Variants in MCM6 observed in about 807,000 individuals in gnomAD.
The protein encoded by MCM6 is DNA replication licensing factor MCM6.
MCM6 carries 46 observed loss-of-function variants against 94.3 expected under a neutral mutation model. That is an observed-to-expected ratio of 0.49 (90% confidence interval 0.39 to 0.62). MCM6 has a LOEUF of 0.62. Ranked by LOEUF, MCM6 falls within the 20% of genes least tolerant of loss-of-function variation. MCM6 has a pLI of 0.00. For synonymous variants in MCM6, 335 were observed against 351.9 expected (o/e 0.95, Z 0.54); for missense variants, 865 against 1,017.9 (o/e 0.85, Z 2.04).
chr2:135,847,649 C>T (rs564405306), intron 14 of MCM6, among the ~76,000 whole-genome samples: 3 of 152,232 alleles, frequency 2.0e-5, no homozygotes, highest in South Asian at 2.1e-4. Flanking sequence ...CTGCAACCTC[C>T]GCCTCCCGGG....
At chr2:135,856,013 CAA>C in intron 11 of MCM6, among the ~76,000 whole-genome samples, 1 of 149,166 alleles carries the variant, frequency 6.7e-6, no homozygotes, top group South Asian at 2.2e-4. Flanking sequence ...GGAAAAAATA[CAA>C]AGATAAATGA....
Position 135,876,239 on chromosome 2 carries a change from C to A in MCM6, c.107+20G>T. On this transcript the variant is annotated intron_variant, in intron 1 of 16. Transcript: ENST00000264156. ...GCAGGCTCCGGAGGCGGGCGAGGCC[C>A]GGGGCGCTCGCCGACTTACTCCTCC... 1 of 1,574,580 alleles carries A rather than the reference C, an allele frequency of 6.4e-7. No homozygotes were observed. The highest frequency in any genetic ancestry group is 2.4e-5 in the East Asian group (1 of 41,936).
At chr2:135,850,488 T>A (rs974955632) in intron 13 of MCM6, among the ~76,000 whole-genome samples, 1 of 152,176 alleles carries the variant, frequency 6.6e-6, no homozygotes, top group African/African-American at 2.4e-5. Context: ...CATTCATTTT[T>A]TGTCCCCTAC....
rs376614533 is a variant in MCM6, at chr2:135,842,179, G to A, written c.2350-1228C>T. Among the ~76,000 whole-genome samples the A allele has an allele frequency of 2.2e-4, 33 of 152,288 alleles. No homozygotes were observed. In the East Asian group the frequency reaches 6.4e-3, roughly 29 times the overall value. On this transcript the variant is annotated intron_variant, in intron 16 of 16. Transcript: ENST00000264156. ...AGTTAGCTTCACAGTGTGTTCCAAA[G>A]TCCTGAAGCAGATTCCTTGCCTGGG...
At position 135,860,388 on chromosome 2, in the gene MCM6, C is replaced by A. The variant is rs1339621220; in HGVS notation, c.1221-946G>T. On this transcript the variant is annotated intron_variant, in intron 8 of 16. Coordinates refer to ENST00000264156, the MANE Select transcript of MCM6 (RefSeq NM_005915.6). ...TGACCTCATGATCCACCCACCTCAGCCTCCCAAAGTGCTGGGATTACAGGC... is the reference window on the plus strand; with the variant it reads ...TGACCTCATGATCCACCCACCTCAGACTCCCAAAGTGCTGGGATTACAGGC... Among the ~76,000 whole-genome samples the A allele has an allele frequency of 2.0e-5, 3 of 152,126 alleles. No individual in the cohort carries two copies. In the East Asian group the frequency reaches 5.8e-4, roughly 29 times the overall value.
intron 9 of MCM6, 119 bp downstream of exon 9, chr2:135,859,182 C>A (rs537707375): frequency 7.5e-6 from 6 of 797,158 alleles, no homozygotes; most frequent in Non-Finnish European, 1.2e-5. Context: ...TGTGAGCCAC[C>A]GCGCCCAGCT....
chr2:135,846,453 C>T lies in MCM6; in HGVS notation c.2054-61G>A, dbSNP rs567939697. ...GTGCCCTTAACATCCCCTTGTCAAG[C>T]ATTTACAAATACACTACTTACATTT... On this transcript the variant is annotated intron_variant, in intron 14 of 16. Transcript: ENST00000264156. 31 of 1,366,738 alleles carry T rather than the reference C, an allele frequency of 2.3e-5. No homozygotes were observed. The East Asian group carries it at 4.8e-4, about 21-fold the overall frequency. 84.7% of individuals were successfully genotyped at this position (1,366,738 alleles called of 1,614,324 possible).
chr2:135,865,454 TAAGAG>T (rs902985831), intron 6 of MCM6, among the ~76,000 whole-genome samples: 2 of 152,124 alleles, frequency 1.3e-5, no homozygotes, highest in African/African-American at 4.8e-5. Context: ...GCAAATAAAA[TAAGAG>T]AATATTATGT....
At chr2:135,848,222 T>C in intron 13 of MCM6, 34 bp from the exon 14 acceptor site, 1 of 1,525,254 alleles carries the variant, frequency 6.6e-7, no homozygotes, top group Non-Finnish European at 9.0e-7. Flanking sequence ...TTAAGCTACT[T>C]TTTTTGATAT....
intron 16 of MCM6, among the ~76,000 whole-genome samples, chr2:135,842,686 G>GT (rs1374002007): frequency 1.3e-5 from 2 of 152,222 alleles, no homozygotes; most frequent in African/African-American, 4.8e-5. Context: ...CTTTGAAGAG[G>GT]TAACATTTGA....
At chr2:135,851,674 T>C (rs997113486) in intron 12 of MCM6, 111 bp from the exon 13 acceptor site, 9 of 834,548 alleles carry the variant, frequency 1.1e-5, no homozygotes, top group African/African-American at 5.1e-5. Flanking sequence ...CCTGAGAGGG[T>C]TGAAACTTTG....
chr2:135,865,363 C>T (rs550547920), intron 6 of MCM6, among the ~76,000 whole-genome samples, 200 bp from the exon 7 acceptor site: 7 of 152,254 alleles, frequency 4.6e-5, no homozygotes, highest in Non-Finnish European at 8.8e-5. Context: ...TGTCATTTGT[C>T]CAGTGAGTTA....
chr2:135,848,072 C>G lies in MCM6; in HGVS notation c.2034G>C (p.Glu678Asp). ...TCTCACCATTGATGCCACCAGCACC[C>G]TCATCTACCTCCATCTGGATCTCTT... ...QEEEIQMEVD[E>D]GAGGINGHAD... Residue 678 changes from glutamate to aspartate, a missense_variant, in exon 14 of 17, where the codon GAG becomes GAC. Glu to Asp is a conservative substitution (Grantham distance 45). This residue lies in a region of MCM6 where 308 missense variants were observed against 324.5 expected (regional missense o/e 0.95). Coordinates refer to ENST00000264156, the MANE Select transcript of MCM6 (RefSeq NM_005915.6). 1 of 1,611,160 alleles carries G rather than the reference C, an allele frequency of 6.2e-7. No homozygotes were observed. The highest frequency in any genetic ancestry group is 8.5e-7 in the Non-Finnish European group (1 of 1,177,536).
At position 135,852,871 on chromosome 2, in the gene MCM6, T is replaced by G. The variant is rs770354111; in HGVS notation, c.1671A>C (p.Ser557=). ...CACGATCAATTGATTCCTCAATTCT[T>G]GAATGCAAATCTACTATGCGCCTGG... is the stretch of plus-strand genomic sequence containing the variant. The part of the protein sequence containing the change: ...AIARRIVDLH[S]RIEESIDRVY... The change falls in exon 12 of 17, where the codon TCA becomes TCC. Residue 557 remains serine, a synonymous_variant. Transcript: ENST00000264156. 2 of 1,611,390 alleles carry G rather than the reference T, an allele frequency of 1.2e-6. No homozygotes were observed. Among genetic ancestry groups the G allele is most frequent in the Non-Finnish European group, 1.7e-6 (2 of 1,178,832 alleles).
intron 16 of MCM6, among the ~76,000 whole-genome samples, chr2:135,843,738 A>AAAAAAAAAAC (rs1679621213): frequency 7.0e-6 from 1 of 143,884 alleles, no homozygotes; most frequent in African/African-American, 2.8e-5. Flanking sequence ...CTCAAAAAAA[A>AAAAAAAAAAC]AAAAAAAAAA....
chr2:135,871,243 AG>A (rs1387213109), intron 2 of MCM6, among the ~76,000 whole-genome samples: 1 of 152,234 alleles, frequency 6.6e-6, no homozygotes, highest in African/African-American at 2.4e-5. Flanking sequence ...CGCTACTCTC[AG>A]GAAAGAGAAC....
At chr2:135,852,575 CAAAT>C (rs1341660110) in intron 12 of MCM6, among the ~76,000 whole-genome samples, 1 of 151,294 alleles carries the variant, frequency 6.6e-6, no homozygotes, top group Non-Finnish European at 1.5e-5. Flanking sequence ...TACCACCAAA[CAAAT>C]AATGGAATTA....
Position 135,852,828 on chromosome 2 carries a change from T to G in MCM6, c.1714A>C (p.Ile572Leu), listed in dbSNP as rs147773023. The G allele has an allele frequency of 1.2e-5, 20 of 1,609,722 alleles. No individual in the cohort carries two copies. The African/African-American group carries it at 2.7e-4, about 22-fold the overall frequency. ...SIDRVYSLDDIRRYLLFARQF... is the reference protein window; with the variant it reads ...SIDRVYSLDDLRRYLLFARQF... ...CTTGCAAAGAGAAGATATCTTCTGA[T>G]ATCATCGAGGGAATAGACACGATCA... is the stretch of plus-strand genomic sequence containing the variant. Residue 572 changes from isoleucine to leucine, a missense_variant, in exon 12 of 17, where the codon ATC becomes CTC. By Grantham distance (5) the Ile-to-Leu change is conservative. This residue lies in a region of MCM6 where 308 missense variants were observed against 324.5 expected (regional missense o/e 0.95). Coordinates refer to ENST00000264156, the MANE Select transcript of MCM6 (RefSeq NM_005915.6).
chr2:135,863,642 ATCGTT>A (rs1680033584), intron 7 of MCM6, among the ~76,000 whole-genome samples: 1 of 152,130 alleles, frequency 6.6e-6, no homozygotes, highest in South Asian at 2.1e-4. Context: ...GTGGTGGGGA[ATCGTT>A]TAAGCCCAGG....
Sources: allele counts gnomAD v4.1 joint callset (sites outside exome capture counted in the v4.1 genomes callset), GRCh38; gene constraint gnomAD v4.1.1; regional missense constraint gnomAD v4.1.1; transcripts MANE v1.5; gene names NCBI Gene and HGNC (gene_info 2026-07-23, HGNC 2026-07-21).